Variants in SLC25A51 observed in about 807,000 individuals in gnomAD.
The protein encoded by SLC25A51 is mitochondrial nicotinamide adenine dinucleotide transporter SLC25A51.
Under a neutral mutation model 19.1 loss-of-function variants are expected in SLC25A51, and 11 were observed. The observed-to-expected ratio is 0.58, with a 90% confidence interval of 0.36 to 0.96. SLC25A51 has a LOEUF of 0.96. SLC25A51 is among the 40% of genes least tolerant of loss of function. SLC25A51 has a pLI of 0.01. For synonymous variants in SLC25A51, 105 were observed against 133.6 expected, an observed-to-expected ratio of 0.79 and a Z score of 1.47; for missense variants, 201 against 365.4, an observed-to-expected ratio of 0.55 and a Z score of 3.67.
At chr9:37,893,587 C>G (rs964852389) in intron 2 of SLC25A51, among the ~76,000 whole-genome samples, 15 of 152,114 alleles carry the variant, frequency 9.9e-5, no homozygotes, top group African/African-American at 3.4e-4. Context: ...ATATTTTGTT[C>G]AGTTGAAGAA....
chr9:37,887,140 C>A (rs1216643426), downstream of SLC25A51, among the ~76,000 whole-genome samples: 1 of 152,030 alleles, frequency 6.6e-6, no homozygotes, highest in African/African-American at 2.4e-5. Context: ...CATGGTGAAA[C>A]CCCGTCTCTA....
downstream of SLC25A51, among the ~76,000 whole-genome samples, chr9:37,886,809 T>A: frequency 6.6e-6 from 1 of 152,134 alleles, no homozygotes; most frequent in East Asian, 1.9e-4. Flanking sequence ...ACGCTAAGAA[T>A]TTTCCCCCAA....
At position 37,887,938 on chromosome 9, in the gene SLC25A51, T is replaced by C. The variant is rs1274850524; in HGVS notation, c.613A>G (p.Thr205Ala). The change falls in exon 3 of 3, where the codon ACG (threonine) becomes GCG (alanine). Residue 205 changes from threonine (T) to alanine (A), a missense_variant. Transcript: ENST00000242275. ...GPIKEHLPTA[T>A]THSAHLVNDF... is the part of the protein sequence containing the mutation. The stretch of plus-strand genomic sequence containing the variant: ...TTGACCAGATGAGCACTGTGAGTCG[T>C]TGCGGTAGGCAGATGCTCCTTAATG... The C allele has an allele frequency of 5.0e-6, 8 of 1,612,028 alleles. No homozygotes were observed. In the Admixed American group the frequency reaches 8.3e-5, roughly 17 times the overall value.
At chr9:37,881,780 T>C (rs558652896) in intron 2 of SLC25A51, 1 of 152,332 alleles carries the variant, frequency 6.6e-6, no homozygotes, top group South Asian at 2.1e-4. Context: ...GTCAAGGTAG[T>C]GTGCTAAATG....
intron 2 of SLC25A51, among the ~76,000 whole-genome samples, chr9:37,882,040 T>C (rs773003334): frequency 6.6e-6 from 1 of 152,176 alleles, no homozygotes; most frequent in African/African-American, 2.4e-5. Context: ...CTTTCAATAA[T>C]GAACCTTCAA....
At position 37,887,663 on chromosome 9, in the gene SLC25A51, A is replaced by T; in HGVS notation, c.888T>A (p.Val296=). The change falls in exon 3 of 3, where the codon GTT becomes GTA. Residue 296 remains valine, a synonymous_variant. Transcript: ENST00000242275. The part of the protein sequence containing the change: ...INATYEFLLK[V]I ...CACTTAACTGATGGTTTTTTCATAT[A>T]ACCTTTAACAAGAACTCATAAGTTG... 2 of 1,607,218 alleles carry T rather than the reference A, an allele frequency of 1.2e-6. No individual in the cohort carries two copies. The highest frequency in any genetic ancestry group is 3.4e-5 in the Admixed American group (2 of 58,528).
downstream of SLC25A51, chr9:37,886,460 T>C: frequency 2.8e-6 from 4 of 1,451,724 alleles, no homozygotes; most frequent in South Asian, 2.8e-5. Context: ...AGCCTGAGAC[T>C]ACAGCCTTTT....
At chr9:37,885,562 TG>T, downstream of SLC25A51, 1 of 637,816 alleles carries the variant, frequency 1.6e-6, no homozygotes, top group East Asian at 2.8e-5. Context: ...GCTAATTTTT[TG>T]TATTTTTAGT....
downstream of SLC25A51, among the ~76,000 whole-genome samples, chr9:37,885,342 TAAAAAAAAAAA>T (rs60095173): frequency 5.7e-4 from 57 of 99,288 alleles, no homozygotes; most frequent in African/African-American, 2.0e-3. Context: ...TAGGTAATGA[TAAAAAAAAAAA>T]AAAAAAAAAA....
chr9:37,899,988 C>CTTTTTTTTTTTTTTT (rs35821924), intron 1 of SLC25A51, 38 bp from the exon 2 acceptor site: 8 of 57,084 alleles, frequency 1.4e-4, no homozygotes, highest in East Asian at 6.2e-4. Context: ...TTTATATAGC[C>CTTTTTTTTTTTTTTT]TTTTTTTTTT....
intron 2 of SLC25A51, among the ~76,000 whole-genome samples, chr9:37,898,447 C>T (rs574784523): frequency 2.0e-5 from 3 of 152,044 alleles, no homozygotes; most frequent in Non-Finnish European, 4.4e-5. Flanking sequence ...CCTAGCTATT[C>T]GGGAGGCTGA....
At chr9:37,887,459 ACTTTC>A, downstream of SLC25A51, 1 of 611,208 alleles carries the variant, frequency 1.6e-6, no homozygotes, top group Non-Finnish European at 2.8e-6. Context: ...GAGGCTTGAG[ACTTTC>A]CTTTGTGTGG....
intron 2 of SLC25A51, among the ~76,000 whole-genome samples, chr9:37,881,873 T>C (rs1459131840): frequency 6.6e-6 from 1 of 152,032 alleles, no homozygotes; most frequent in Non-Finnish European, 1.5e-5. Context: ...TACTCAAGCA[T>C]AAGAGAAGAC....
At chr9:37,898,227 A>G (rs903524335) in intron 2 of SLC25A51, among the ~76,000 whole-genome samples, 3 of 152,212 alleles carry the variant, frequency 2.0e-5, no homozygotes, top group Non-Finnish European at 2.9e-5. Flanking sequence ...CCTGGCCAAC[A>G]TGGCAAAACC....
intron 1 of SLC25A51, among the ~76,000 whole-genome samples, chr9:37,902,774 T>C (rs1464066988): frequency 2.0e-5 from 3 of 152,240 alleles, no homozygotes; most frequent in African/African-American, 7.2e-5. Flanking sequence ...GTGTCAAGCT[T>C]CTGTGACTAA....
At chr9:37,896,920 T>C (rs1201873922) in intron 2 of SLC25A51, among the ~76,000 whole-genome samples, 1 of 152,198 alleles carries the variant, frequency 6.6e-6, no homozygotes, top group Non-Finnish European at 1.5e-5. Flanking sequence ...AGATAAGACG[T>C]GCAAATTAAT....
chr9:37,882,522 CTGG>C (rs1831368695), intron 2 of SLC25A51, among the ~76,000 whole-genome samples: 1 of 152,202 alleles, frequency 6.6e-6, no homozygotes, highest in Admixed American at 6.5e-5. Flanking sequence ...CACAATATAG[CTGG>C]TGATTACACA....
chr9:37,884,483 A>AT (rs1831407799), downstream of SLC25A51, among the ~76,000 whole-genome samples: 1 of 152,260 alleles, frequency 6.6e-6, no homozygotes, highest in Non-Finnish European at 1.5e-5. Flanking sequence ...AGAGTAAAAT[A>AT]AAAGACAGCT....
At chr9:37,892,328 G>A (rs1831609335) in intron 2 of SLC25A51, among the ~76,000 whole-genome samples, 1 of 152,194 alleles carries the variant, frequency 6.6e-6, no homozygotes, top group Non-Finnish European at 1.5e-5. Flanking sequence ...TAAGGGTGAA[G>A]CACATTTTAG....
Sources: allele counts gnomAD v4.1 joint callset (sites outside exome capture counted in the v4.1 genomes callset), GRCh38; gene constraint gnomAD v4.1.1; transcripts MANE v1.5; gene names NCBI Gene and HGNC (gene_info 2026-07-23, HGNC 2026-07-21).